Variants in PRDM12 observed in about 807,000 individuals in gnomAD.
PRDM12 encodes PR/SET domain 12, also known as PR domain zinc finger protein 12.
A neutral mutation model predicts 29.6 loss-of-function variants in PRDM12; 17 were observed. That is an observed-to-expected ratio of 0.57 (90% CI 0.39 to 0.86). The LOEUF (loss-of-function observed/expected upper bound fraction) is 0.86. PRDM12 is among the 40% of genes least tolerant of loss of function. The pLI, the probability that PRDM12 is intolerant of heterozygous loss-of-function variation, is 0.00. For synonymous variants in PRDM12, 231 were observed against 225.8 expected, an observed-to-expected ratio of 1.02 and a Z score of -0.21; for missense variants, 422 against 510.8, an observed-to-expected ratio of 0.83 and a Z score of 1.68.
At chr9:130,670,321 G>T (rs530119154) in intron 3 of PRDM12, among the ~76,000 whole-genome samples, 2 of 152,042 alleles carry the variant, frequency 1.3e-5, no homozygotes, top group Non-Finnish European at 2.9e-5. Context: ...GGGGTGCCAG[G>T]GCCTAGTAGC....
intron 2 of PRDM12, 65 bp downstream of exon 2, chr9:130,666,863 C>G: frequency 1.1e-5 from 16 of 1,515,070 alleles, no homozygotes; most frequent in Non-Finnish European, 1.3e-5. Context: ...GGGTAGGACT[C>G]GGGCGTCCGG....
chr9:130,668,826 G>A lies in PRDM12; in HGVS notation c.570+513G>A, dbSNP rs1830759384. ...CCCGTGTGTCAGGCTTCTCCCAGAT[G>A]CTGGATATGCAGTATGGTATTTAAT... On this transcript the variant is annotated intron_variant, in intron 3 of 4. Coordinates refer to ENST00000253008, the MANE Select transcript of PRDM12 (RefSeq NM_021619.3). The surrounding 1 kb of genome is among the most constrained non-coding windows in gnomAD (Gnocchi z 4.0). Among the ~76,000 whole-genome samples, 1 of 152,142 alleles carries A rather than the reference G, an allele frequency of 6.6e-6. No individual in the cohort carries two copies. Among genetic ancestry groups the A allele is most frequent in the Non-Finnish European group, 1.5e-5 (1 of 68,028 alleles).
At chr9:130,667,729 G>C (rs1027961690) in intron 2 of PRDM12, among the ~76,000 whole-genome samples, 19 of 152,284 alleles carry the variant, frequency 1.2e-4, no homozygotes, top group African/African-American at 4.6e-4. Context: ...GGCCAAGCTG[G>C]AGTGCCACAG....
Position 130,664,652 on chromosome 9 carries a change from C to T in PRDM12, c.-2C>T. On this transcript the variant is annotated 5_prime_UTR_variant, in exon 1 of 5. Transcript: ENST00000253008. This position sits in a 1 kb window ranked among gnomAD's most constrained non-coding sequence, Gnocchi z 6.4. ...CCGGCGCCGGGGAGCTCCGGGCCGC[C>T]CATGATGGGCTCCGTGCTCCCGGCT... 1.3e-6 allele frequency: 2 copies of T among 1,581,240 alleles called. No homozygotes were observed. Among genetic ancestry groups the T allele is most frequent in the Non-Finnish European group, 1.7e-6 (2 of 1,167,924 alleles).
intron 1 of PRDM12, 133 bp from the exon 2 acceptor site, chr9:130,666,475 C>T: frequency 8.5e-7 from 1 of 1,180,976 alleles, no homozygotes; most frequent in East Asian, 2.9e-5. Context: ...ACCCGGGTGG[C>T]TTCTCTGGAT....
intron 3 of PRDM12, among the ~76,000 whole-genome samples, chr9:130,674,339 G>C (rs1830816234): frequency 6.6e-6 from 1 of 151,916 alleles, no homozygotes; most frequent in Admixed American, 6.6e-5. Context: ...AGTAGAAACA[G>C]GGTTTCACCA....
chr9:130,669,334 A>G (rs1453238475), intron 3 of PRDM12, among the ~76,000 whole-genome samples: 1 of 151,754 alleles, frequency 6.6e-6, no homozygotes, highest in Non-Finnish European at 1.5e-5. Context: ...CTCAAAAATA[A>G]ATAAATAAAT....
In PRDM12 at chr9:130,681,687, C is replaced by T. The variant is rs1830905932; in HGVS notation, c.*18C>T. On this transcript the variant is annotated 3_prime_UTR_variant, in exon 5 of 5. Transcript: ENST00000253008. The surrounding 1 kb of genome is among the most constrained non-coding windows in gnomAD (Gnocchi z 8.1). The stretch of plus-strand genomic sequence containing the variant: ...TGCTGTGAGCGCGCCCGCGCCCCCG[C>T]CGGGCCCCGCGCGCTCCTGGGTCCC... The T allele has an allele frequency of 2.0e-6, 2 of 980,576 alleles. No homozygotes were observed. The highest frequency in any genetic ancestry group is 2.4e-6 in the Non-Finnish European group (2 of 827,854). The allele number at this position is 980,576 out of a possible 1,614,324, so 60.7% of individuals were successfully genotyped here.
Position 130,666,753 on chromosome 9 carries a change from C to T in PRDM12, c.369C>T (p.Ala123=), listed in dbSNP as rs754591525. The T allele has an allele frequency of 1.9e-6, 3 of 1,612,452 alleles. No individual in the cohort carries two copies. The highest frequency in any genetic ancestry group is 4.5e-5 in the East Asian group (2 of 44,802). The stretch of plus-strand genomic sequence containing the variant: ...GCCCCTTCACCGGCCGCGTGATCGC[C>T]CCGGAGCACGTGGACATCTGCAAGA... The part of the protein sequence containing the change: ...EMGPFTGRVI[A]PEHVDICKNN... The change falls in exon 2 of 5, where the codon GCC becomes GCT. Residue 123 remains alanine, a synonymous_variant. Transcript: ENST00000253008.
intron 1 of PRDM12, among the ~76,000 whole-genome samples, chr9:130,665,767 CCCCCTTTCAGCCGG>C (rs1830727484): frequency 6.6e-6 from 1 of 152,216 alleles, no homozygotes; most frequent in East Asian, 1.9e-4. Context: ...CGTTTAACCC[CCCCCTTTCAGCCGG>C]CCCGCTCGCC....
In PRDM12 at chr9:130,678,655, T is replaced by TG. The variant is rs1322177047; in HGVS notation, c.682+19dup. The TG allele has an allele frequency of 1.3e-6, 2 of 1,577,264 alleles. No homozygotes were observed. Among genetic ancestry groups the TG allele is most frequent in the African/African-American group, 1.4e-5 (1 of 73,904 alleles). ...GAACAAGCATGGTAGGTGTTCCCCATGGGGCCGCTGAGACACAGACCCATG... is the reference window on the plus strand; with the variant it reads ...GAACAAGCATGGTAGGTGTTCCCCATGGGGGCCGCTGAGACACAGACCCATG... On this transcript the variant is annotated intron_variant, in intron 4 of 4. Transcript: ENST00000253008.
chr9:130,666,936 C>A (rs1830739443), intron 2 of PRDM12, 138 bp downstream of exon 2: 2 of 1,222,322 alleles, frequency 1.6e-6, no homozygotes, highest in Non-Finnish European at 2.2e-6. Context: ...CCCCCTGAGC[C>A]GGGACTCTAA....
At position 130,681,443 on chromosome 9, in the gene PRDM12, A is replaced by G; in HGVS notation, c.878A>G (p.His293Arg). Reference protein sequence around the residue: ...SSTLRNHVRLHTGERPYKCQV... With the variant: ...SSTLRNHVRLRTGERPYKCQV... ...ACGCTGCGCAACCACGTGCGCCTGC[A>G]CACGGGCGAGCGCCCCTACAAGTGC... The change falls in exon 5 of 5, where the codon CAC becomes CGC. Residue 293 changes from histidine (H) to arginine (R), a missense_variant. Around this residue, in one of 5 missense-constraint regions of PRDM12, gnomAD observed 24 missense variants for 64.0 expected, o/e 0.38. Transcript: ENST00000253008. This position sits in a 1 kb window ranked among gnomAD's most constrained non-coding sequence, Gnocchi z 8.1. 6.3e-7 allele frequency: 1 copy of G among 1,593,188 alleles called. No homozygotes were observed.
rs1830906279 is a variant in PRDM12 at position 130,681,709 on chromosome 9, T to A, written c.*40T>A. On this transcript the variant is annotated 3_prime_UTR_variant, in exon 5 of 5. Transcript: ENST00000253008. The surrounding 1 kb of genome is among the most constrained non-coding windows in gnomAD (Gnocchi z 8.1). Reference sequence around the variant, plus strand: ...CCGCCGGGCCCCGCGCGCTCCTGGGTCCCCGGCACCCCGGCCCCGCAGCGC... The same window carrying A: ...CCGCCGGGCCCCGCGCGCTCCTGGGACCCCGGCACCCCGGCCCCGCAGCGC... The A allele has an allele frequency of 2.0e-6, 2 of 978,756 alleles. No homozygotes were observed. Among genetic ancestry groups the A allele is most frequent in the Non-Finnish European group, 2.4e-6 (2 of 826,466 alleles). The allele number at this position is 978,756 out of a possible 1,614,324, so 60.6% of individuals were successfully genotyped here.
At chr9:130,680,659 A>ATATATATATATT in intron 4 of PRDM12, among the ~76,000 whole-genome samples, 91 of 72,136 alleles carry the variant, frequency 1.3e-3, no homozygotes, top group African/African-American at 4.7e-3. Context: ...ATATATATAT[A>ATATATATATATT]TTTTTTTTTT....
At chr9:130,674,265 G>A (rs992404861) in intron 3 of PRDM12, among the ~76,000 whole-genome samples, 5 of 151,592 alleles carry the variant, frequency 3.3e-5, no homozygotes, top group Non-Finnish European at 7.4e-5. Context: ...TGCCCACCTC[G>A]GCCCCCCAAA....
At chr9:130,675,086 G>A (rs991348674) in intron 3 of PRDM12, among the ~76,000 whole-genome samples, 1 of 152,170 alleles carries the variant, frequency 6.6e-6, no homozygotes, top group Non-Finnish European at 1.5e-5. Flanking sequence ...CACCATGTTG[G>A]CCAGGCTGGT....
intron 3 of PRDM12, among the ~76,000 whole-genome samples, chr9:130,672,550 C>A (rs890438839): frequency 9.2e-5 from 14 of 152,310 alleles, no homozygotes; most frequent in Middle Eastern, 3.4e-3. Flanking sequence ...TTACTATCCT[C>A]ATTTTTATGA....
chr9:130,672,456 T>C (rs1830797508), intron 3 of PRDM12, among the ~76,000 whole-genome samples: 1 of 152,242 alleles, frequency 6.6e-6, no homozygotes, highest in Non-Finnish European at 1.5e-5. Flanking sequence ...CCCAAAGTGC[T>C]GGGATTACAG....
Sources: allele counts gnomAD v4.1 joint callset (sites outside exome capture counted in the v4.1 genomes callset), GRCh38; gene constraint gnomAD v4.1.1; regional missense constraint gnomAD v4.1.1; non-coding constraint Gnocchi (gnomAD v3.1); transcripts MANE v1.5; gene names NCBI Gene and HGNC (gene_info 2026-07-23, HGNC 2026-07-21).